IQUB: variants seen among roughly 807,000 people sequenced by gnomAD.
IQUB encodes IQ motif and ubiquitin domain containing.
IQUB carries 86 observed loss-of-function variants against 86.4 expected under a neutral mutation model. The ratio of observed to expected loss-of-function variants is 1.00; its 90% CI spans 0.84 to 1.19. The LOEUF (loss-of-function observed/expected upper bound fraction) is 1.19, where lower values mean the gene tolerates loss of function less well. Ranked by LOEUF, IQUB falls within the 50% of genes most tolerant of loss-of-function variation. The pLI, the probability that IQUB is intolerant of heterozygous loss-of-function variation, is 0.00. For missense variants in IQUB, 946 were observed against 916.9 expected, an observed-to-expected ratio of 1.03 and a Z score of -0.41; for synonymous variants, 289 against 304.5, an observed-to-expected ratio of 0.95 and a Z score of 0.53.
chr7:123,492,023 C>T (rs1450502682), intron 7 of IQUB, among the ~76,000 whole-genome samples: 4 of 152,054 alleles, frequency 2.6e-5, no homozygotes, highest in Non-Finnish European at 2.9e-5. Flanking sequence ...GGGATTATTG[C>T]CCTTATTAAA....
chr7:123,483,021 C>A (rs1795073096), intron 7 of IQUB, among the ~76,000 whole-genome samples: 1 of 152,092 alleles, frequency 6.6e-6, no homozygotes, highest in African/African-American at 2.4e-5. Flanking sequence ...CAGTTCATTC[C>A]AGGTTTTTTT....
intron 2 of IQUB, 55 bp downstream of exon 2, chr7:123,511,889 C>T (rs1796430146): frequency 1.7e-5 from 22 of 1,322,318 alleles, no homozygotes; most frequent in Middle Eastern, 2.0e-4. Flanking sequence ...AACAAGAAAA[C>T]GCATTCATTC....
chr7:123,525,147 T>G (rs1192497007), intron 1 of IQUB, among the ~76,000 whole-genome samples: 2 of 152,196 alleles, frequency 1.3e-5, no homozygotes, highest in Non-Finnish European at 2.9e-5. Flanking sequence ...ATCAAGGATA[T>G]TGGTCTAAAA....
At position 123,512,193 on chromosome 7, in the gene IQUB, C is replaced by T; in HGVS notation, c.148G>A (p.Glu50Lys). ...DQTEEHESGI[E>K]QFSESHAIHV... Reference sequence around the variant, plus strand: ...ATTGCATGGCTCTCACTGAATTGTTCTATTCCAGATTCATGCTCTTCAGTT... The same window carrying T: ...ATTGCATGGCTCTCACTGAATTGTTTTATTCCAGATTCATGCTCTTCAGTT... The change falls in exon 2 of 13, where the codon GAA becomes AAA. Residue 50 changes from glutamate to lysine, a missense_variant. Transcript: ENST00000324698. 3.7e-6 allele frequency: 6 copies of T among 1,614,038 alleles called. No homozygotes were observed. Among genetic ancestry groups the T allele is most frequent in the Non-Finnish European group, 5.1e-6 (6 of 1,179,952 alleles).
intron 1 of IQUB, among the ~76,000 whole-genome samples, chr7:123,521,111 G>A (rs1584647484): frequency 6.6e-6 from 1 of 152,104 alleles, no homozygotes; most frequent in East Asian, 1.9e-4. Context: ...AGAGTCAGAA[G>A]TCTATGGTAT....
At chr7:123,461,704 CT>C in intron 10 of IQUB, 99 bp from the exon 11 acceptor site, 1 of 1,046,826 alleles carries the variant, frequency 9.6e-7, no homozygotes, top group Non-Finnish European at 1.3e-6. Context: ...ACTTACTTAT[CT>C]TAGAATGAGA....
chr7:123,454,700 C>T (rs758582167), intron 12 of IQUB, among the ~76,000 whole-genome samples: 11 of 152,022 alleles, frequency 7.2e-5, no homozygotes, highest in Non-Finnish European at 1.3e-4. Flanking sequence ...GTCCCATATA[C>T]CCCACACCCA....
chr7:123,518,236 C>T (rs938250553), intron 1 of IQUB, among the ~76,000 whole-genome samples: 3 of 151,834 alleles, frequency 2.0e-5, no homozygotes, highest in Non-Finnish European at 4.4e-5. Flanking sequence ...CTTTTTTCTG[C>T]CATCCTATCA....
At chr7:123,500,073 G>T (rs1795872678) in intron 6 of IQUB, among the ~76,000 whole-genome samples, 1 of 152,142 alleles carries the variant, frequency 6.6e-6, no homozygotes, top group South Asian at 2.1e-4. Flanking sequence ...TCTAAAAAGG[G>T]GAGGCATGAA....
chr7:123,482,733 G>A (rs1181446878), intron 7 of IQUB, among the ~76,000 whole-genome samples: 2 of 152,052 alleles, frequency 1.3e-5, no homozygotes, highest in Non-Finnish European at 2.9e-5. Flanking sequence ...AAACTGTAAT[G>A]TTTGTAATAA....
intron 12 of IQUB, 33 bp from the exon 13 acceptor site, chr7:123,452,958 T>A (rs759373841): frequency 6.5e-7 from 1 of 1,546,790 alleles, no homozygotes; most frequent in South Asian, 1.2e-5. Context: ...CTAGTAAATA[T>A]CACAGATATA....
At chr7:123,459,366 G>C (rs1320036798) in intron 11 of IQUB, among the ~76,000 whole-genome samples, 2 of 152,024 alleles carry the variant, frequency 1.3e-5, no homozygotes, top group African/African-American at 2.4e-5. Flanking sequence ...ATTTAAGTAA[G>C]TCAGTAGACT....
chr7:123,530,430 G>GA (rs768144413), intron 1 of IQUB, among the ~76,000 whole-genome samples: 83 of 150,042 alleles, frequency 5.5e-4, no homozygotes, highest in Non-Finnish European at 8.7e-4. Flanking sequence ...GGGAGACTCT[G>GA]AAAAAAAACA....
At chr7:123,534,079 GGAGT>G (rs1254447203) in intron 1 of IQUB, among the ~76,000 whole-genome samples, 1 of 152,160 alleles carries the variant, frequency 6.6e-6, no homozygotes, top group African/African-American at 2.4e-5. Flanking sequence ...TGGAGAGGAA[GGAGT>G]GAGAGTGCCA....
At chr7:123,462,960 G>A (rs886413569) in intron 10 of IQUB, 28 of 340,374 alleles carry the variant, frequency 8.2e-5, no homozygotes, top group South Asian at 6.6e-4. Context: ...TGGTTGTGGG[G>A]GTAGTGGTGT....
chr7:123,533,604 A>G (rs1396607896), intron 1 of IQUB, among the ~76,000 whole-genome samples: 1 of 152,226 alleles, frequency 6.6e-6, no homozygotes. Flanking sequence ...ACATAAATAC[A>G]TAAATTCATC....
At chr7:123,520,706 G>T (rs543140672) in intron 1 of IQUB, among the ~76,000 whole-genome samples, 1 of 152,278 alleles carries the variant, frequency 6.6e-6, no homozygotes, top group Admixed American at 6.5e-5. Flanking sequence ...GAAGGTAGGG[G>T]AGTGGGAAGC....
At chr7:123,503,503 G>A (rs1423138632) in intron 3 of IQUB, 140 bp from the exon 4 acceptor site, 2 of 555,550 alleles carry the variant, frequency 3.6e-6, no homozygotes, top group Non-Finnish European at 6.3e-6. Context: ...ACATTGTGAA[G>A]TAGCTTAATA....
intron 8 of IQUB, among the ~76,000 whole-genome samples, chr7:123,477,895 C>T (rs1240459577): frequency 1.3e-5 from 2 of 152,122 alleles, no homozygotes; most frequent in Admixed American, 6.5e-5. Context: ...CAATGAGATA[C>T]CATCTCACCC....
Sources: gnomAD v4.1 joint callset for allele counts (sites outside exome capture counted in the v4.1 genomes callset) on GRCh38, gnomAD v4.1.1 for gene constraint, MANE v1.5 for transcripts, NCBI Gene and HGNC (gene_info 2026-07-23, HGNC 2026-07-21) for gene names.